PRKCA: variants seen among roughly 807,000 people sequenced by gnomAD.
PRKCA encodes protein kinase C alpha.
In PRKCA, 27 loss-of-function variants were observed where a neutral mutation model predicts 87.0. That is an observed-to-expected ratio of 0.31 (90% CI 0.23 to 0.43). The LOEUF is 0.43. PRKCA is among the 20% of genes least tolerant of loss of function. PRKCA has a pLI of 1.00. For synonymous variants in PRKCA, 329 were observed against 311.1 expected, an observed-to-expected ratio of 1.06 and a Z score of -0.61; for missense variants, 518 against 852.3, an observed-to-expected ratio of 0.61 and a Z score of 4.88.
At chr17:66,392,499 A>G (rs899633849) in intron 2 of PRKCA, among the ~76,000 whole-genome samples, 22 of 152,182 alleles carry the variant, frequency 1.4e-4, no homozygotes, top group African/African-American at 5.3e-4. Flanking sequence ...TTTGATTTTT[A>G]TGATTCCTCT....
chr17:66,363,805 C>G (rs1908538303), intron 2 of PRKCA, among the ~76,000 whole-genome samples: 1 of 152,154 alleles, frequency 6.6e-6, no homozygotes. Context: ...CGGGTTCAAA[C>G]GATTCTTCTG....
intron 2 of PRKCA, among the ~76,000 whole-genome samples, chr17:66,338,094 TGCTGAATGA>T (rs1906817507): frequency 6.6e-6 from 1 of 151,522 alleles, no homozygotes; most frequent in African/African-American, 2.4e-5. Flanking sequence ...TAGCGGTTCT[TGCTGAATGA>T]TTTCCTAAGG....
chr17:66,697,329 G>A (rs1355353023), intron 8 of PRKCA, among the ~76,000 whole-genome samples: 2 of 152,176 alleles, frequency 1.3e-5, no homozygotes, highest in East Asian at 1.9e-4. Context: ...CCCTGTAGAC[G>A]CATCAATGTT....
intron 5 of PRKCA, among the ~76,000 whole-genome samples, chr17:66,675,486 G>C (rs1448746812): frequency 6.6e-6 from 1 of 152,206 alleles, no homozygotes; most frequent in East Asian, 1.9e-4. Context: ...TTGCACACAG[G>C]TTCTGAAAGT....
At chr17:66,758,738 T>G (rs1019059508) in intron 13 of PRKCA, among the ~76,000 whole-genome samples, 7 of 152,230 alleles carry the variant, frequency 4.6e-5, no homozygotes, top group African/African-American at 1.7e-4. Context: ...CCTCTCATCT[T>G]TGTGCTCTTG....
chr17:66,470,013 T>C (rs2144009413), intron 2 of PRKCA, among the ~76,000 whole-genome samples: 2 of 152,110 alleles, frequency 1.3e-5, no homozygotes, highest in South Asian at 4.2e-4. Context: ...ACCCCCAATA[T>C]GTGTCCGTTG....
intron 8 of PRKCA, among the ~76,000 whole-genome samples, chr17:66,712,663 C>A (rs930535146): frequency 6.6e-6 from 1 of 152,258 alleles, no homozygotes; most frequent in South Asian, 2.1e-4. Flanking sequence ...GCTGTCACCT[C>A]GTCATTCCAA....
intron 5 of PRKCA, among the ~76,000 whole-genome samples, chr17:66,683,117 G>C (rs1972533687): frequency 6.6e-6 from 1 of 152,178 alleles, no homozygotes; most frequent in African/African-American, 2.4e-5. Context: ...TTGTAGCTAA[G>C]AGACAGAAGA....
chr17:66,663,575 C>T (rs929059008), intron 5 of PRKCA, among the ~76,000 whole-genome samples: 2 of 152,156 alleles, frequency 1.3e-5, no homozygotes, highest in African/African-American at 4.8e-5. Flanking sequence ...TTCATGGAGG[C>T]AGGTTAGCCA....
At chr17:66,588,733 C>T (rs1420521170) in intron 3 of PRKCA, among the ~76,000 whole-genome samples, 1 of 145,530 alleles carries the variant, frequency 6.9e-6, no homozygotes, top group Non-Finnish European at 1.5e-5. Flanking sequence ...CTCTGCCTCC[C>T]AGGTTCAAGC....
chr17:66,317,985 T>C (rs1287907093), intron 2 of PRKCA, among the ~76,000 whole-genome samples: 1 of 152,208 alleles, frequency 6.6e-6, no homozygotes, highest in East Asian at 1.9e-4. Flanking sequence ...GAAGATGTTT[T>C]TCTTAATGCT....
At chr17:66,358,372 G>C (rs375022198) in intron 2 of PRKCA, among the ~76,000 whole-genome samples, 1 of 152,172 alleles carries the variant, frequency 6.6e-6, no homozygotes, top group East Asian at 1.9e-4. Flanking sequence ...GCTTTGAATG[G>C]CTGCATAATG....
chr17:66,714,220 C>G (rs1209596956), intron 8 of PRKCA, among the ~76,000 whole-genome samples: 1 of 151,816 alleles, frequency 6.6e-6, no homozygotes, highest in Admixed American at 6.6e-5. Flanking sequence ...ATGTTCCCCC[C>G]CACCCGCTGC....
Position 66,591,359 on chromosome 17 carries a change from G to A in PRKCA, c.289-49996G>A, listed in dbSNP as rs140186581. 2.8e-3 allele frequency among the ~76,000 whole-genome samples: 422 copies of A among 151,096 alleles called. 7 individuals are homozygous for A. Among genetic ancestry groups the A allele is most frequent in the Non-Finnish European group, 1.2e-3 (84 of 67,848 alleles). On this transcript the variant is annotated intron_variant, in intron 3 of 16. Transcript: ENST00000413366. The stretch of plus-strand genomic sequence containing the variant: ...ATTTTAGTAGGGATGAGGTCTTGCC[G>A]TGTTGCCCAGGCTGGTCTTGAACTC...
intron 13 of PRKCA, among the ~76,000 whole-genome samples, chr17:66,747,950 G>A (rs1281863962): frequency 2.0e-5 from 3 of 152,260 alleles, no homozygotes; most frequent in South Asian, 4.1e-4. Context: ...GGAGCCCAGA[G>A]GAGAGCTGGG....
chr17:66,720,540 C>G (rs1446005654), intron 8 of PRKCA, among the ~76,000 whole-genome samples: 4 of 152,236 alleles, frequency 2.6e-5, no homozygotes, highest in Non-Finnish European at 5.9e-5. Flanking sequence ...CTTGATCTCT[C>G]TTAACTAACG....
rs535689462 is a variant in PRKCA at position 66,641,281 on chromosome 17, G to T, written c.289-74G>T. 79 of 1,016,974 alleles carry T rather than the reference G, an allele frequency of 7.8e-5. No homozygotes were observed. In the African/African-American group the frequency reaches 8.8e-4, roughly 11 times the overall value. 63.0% of individuals were successfully genotyped at this position (1,016,974 alleles called of 1,614,324 possible). On this transcript the variant is annotated intron_variant, in intron 3 of 16. Coordinates refer to ENST00000413366, the MANE Select transcript of PRKCA (RefSeq NM_002737.3). ...TGACTTGGGGCTGGGGAGTGGTGGG[G>T]CCTGAGCTTGGCTTAATCTAAAAAC... is the stretch of plus-strand genomic sequence containing the variant.
chr17:66,426,203 G>A (rs1457339329), intron 2 of PRKCA, among the ~76,000 whole-genome samples: 1 of 152,172 alleles, frequency 6.6e-6, no homozygotes, highest in Non-Finnish European at 1.5e-5. Flanking sequence ...TTCGGGGAAC[G>A]ATGATCAGAC....
intron 2 of PRKCA, among the ~76,000 whole-genome samples, chr17:66,479,936 CT>C (rs149771140): frequency 0.066 from 10,032 of 151,350 alleles, 1,085 homozygotes; most frequent in African/African-American, 0.23. Flanking sequence ...TTGAAACAAT[CT>C]GTACAGCAAA....
Sources: allele counts gnomAD v4.1 joint callset (sites outside exome capture counted in the v4.1 genomes callset), GRCh38; gene constraint gnomAD v4.1.1; transcripts MANE v1.5; gene names NCBI Gene and HGNC (gene_info 2026-07-23, HGNC 2026-07-21).